HIBADH: variants seen among roughly 807,000 people sequenced by gnomAD.
HIBADH encodes the protein 3-hydroxyisobutyrate dehydrogenase, mitochondrial.
In HIBADH, 25 loss-of-function variants were observed where a neutral mutation model predicts 36.1. The ratio of observed to expected loss-of-function variants is 0.69; its 90% CI spans 0.50 to 0.97. The LOEUF is 0.97. HIBADH is among the 50% of genes least tolerant of loss of function. The pLI, the probability that HIBADH is intolerant of heterozygous loss-of-function variation, is 0.00. For synonymous variants in HIBADH, 160 were observed against 149.5 expected, an observed-to-expected ratio of 1.07 and a Z score of -0.51; for missense variants, 421 against 418.0, an observed-to-expected ratio of 1.01 and a Z score of -0.06.
At chr7:27,645,378 T>TTG (rs1786047430) in intron 2 of HIBADH, among the ~76,000 whole-genome samples, 3 of 126,990 alleles carry the variant, frequency 2.4e-5, no homozygotes, top group Non-Finnish European at 3.3e-5. Flanking sequence ...ATTTTTTTTT[T>TTG]TTTTTTTTTT....
chr7:27,560,318 C>T (rs1562621513), intron 4 of HIBADH, among the ~76,000 whole-genome samples: 2 of 152,222 alleles, frequency 1.3e-5, no homozygotes, highest in African/African-American at 4.8e-5. Flanking sequence ...GGGGTTTCGC[C>T]ATGTTGGCCA....
Position 27,661,293 on chromosome 7 carries a change from T to A in HIBADH, c.91+1405A>T, listed in dbSNP as rs1157629657. ...GGGAGAATGGGAAGCTGTTAAGAAT[T>A]GTAAGAGAAAGTTCTTACAATTCCT... is the stretch of plus-strand genomic sequence containing the variant. On this transcript the variant is annotated intron_variant, in intron 1 of 7. Coordinates refer to ENST00000265395, the MANE Select transcript of HIBADH (RefSeq NM_152740.4). Among the ~76,000 whole-genome samples the A allele has an allele frequency of 2.0e-5, 3 of 152,158 alleles. No individual in the cohort carries two copies. The South Asian group carries it at 6.2e-4, about 32-fold the overall frequency.
intron 2 of HIBADH, among the ~76,000 whole-genome samples, chr7:27,633,689 C>T (rs1267533922): frequency 1.3e-5 from 2 of 151,832 alleles, no homozygotes; most frequent in East Asian, 1.9e-4. Context: ...AAAAGAAATC[C>T]GGCATCCCAA....
intron 4 of HIBADH, among the ~76,000 whole-genome samples, chr7:27,585,322 A>G (rs946305954): frequency 2.0e-5 from 3 of 152,110 alleles, no homozygotes; most frequent in Non-Finnish European, 2.9e-5. Flanking sequence ...TTTGATGCAT[A>G]CTACCAAACT....
chr7:27,532,383 T>C (rs1363857317), intron 6 of HIBADH, among the ~76,000 whole-genome samples: 1 of 152,210 alleles, frequency 6.6e-6, no homozygotes, highest in Non-Finnish European at 1.5e-5. Context: ...AAAGAGACAC[T>C]TATGTAAATG....
At chr7:27,660,531 G>A (rs1199246253) in intron 1 of HIBADH, among the ~76,000 whole-genome samples, 1 of 152,138 alleles carries the variant, frequency 6.6e-6, no homozygotes, top group Non-Finnish European at 1.5e-5. Context: ...CGGGCGTGGT[G>A]GCAGGCGCCT....
At chr7:27,610,214 T>A (rs1305734176) in intron 4 of HIBADH, among the ~76,000 whole-genome samples, 2 of 152,332 alleles carry the variant, frequency 1.3e-5, no homozygotes, top group East Asian at 1.9e-4. Context: ...AAATCATTTT[T>A]AAAAATTTTC....
At chr7:27,628,915 G>C (rs1345467697) in intron 4 of HIBADH, among the ~76,000 whole-genome samples, 1 of 152,042 alleles carries the variant, frequency 6.6e-6, no homozygotes, top group Non-Finnish European at 1.5e-5. Flanking sequence ...CTCTGGAAAA[G>C]TTCGTATAAA....
At chr7:27,538,155 T>C (rs898188309) in intron 6 of HIBADH, among the ~76,000 whole-genome samples, 186 bp downstream of exon 6, 1 of 152,222 alleles carries the variant, frequency 6.6e-6, no homozygotes, top group Non-Finnish European at 1.5e-5. Flanking sequence ...CAAAGAGTAT[T>C]CATGCTCTCC....
At chr7:27,578,923 TAA>T (rs145185161) in intron 4 of HIBADH, among the ~76,000 whole-genome samples, 1,861 of 152,164 alleles carry the variant, frequency 0.012, 30 homozygotes, top group African/African-American at 0.038. Context: ...AAATTAACAG[TAA>T]GAAAATAATC....
chr7:27,554,317 A>G (rs1157153874), intron 4 of HIBADH, among the ~76,000 whole-genome samples: 1 of 152,200 alleles, frequency 6.6e-6, no homozygotes, highest in Non-Finnish European at 1.5e-5. Context: ...AATAAGAGGA[A>G]AAAAAAGCCA....
chr7:27,662,524 G>A lies in HIBADH; in HGVS notation c.91+174C>T, dbSNP rs1418065873. On this transcript the variant is annotated intron_variant, in intron 1 of 7. Coordinates refer to ENST00000265395, the MANE Select transcript of HIBADH (RefSeq NM_152740.4). ...GGAGGGAAGGCAGAGGGGGGTACTCGCGGAGTGAGTGGCGGCCGCAGAAAA... is the reference window on the plus strand; with the variant it reads ...GGAGGGAAGGCAGAGGGGGGTACTCACGGAGTGAGTGGCGGCCGCAGAAAA... Among the ~76,000 whole-genome samples the A allele has an allele frequency of 7.2e-5, 11 of 152,302 alleles. No homozygotes were observed. The East Asian group carries it at 1.5e-3, about 21-fold the overall frequency.
intron 4 of HIBADH, among the ~76,000 whole-genome samples, chr7:27,556,974 G>C (rs895232422): frequency 6.6e-6 from 1 of 151,966 alleles, no homozygotes; most frequent in African/African-American, 2.4e-5. Context: ...ACCCTGTCTT[G>C]ACAAAAATTT....
chr7:27,619,126 ACAC>A (rs1333388806), intron 4 of HIBADH, among the ~76,000 whole-genome samples: 3 of 152,276 alleles, frequency 2.0e-5, no homozygotes, highest in South Asian at 2.1e-4. Context: ...TTCCCAGTCC[ACAC>A]CACAACTTCA....
intron 4 of HIBADH, among the ~76,000 whole-genome samples, chr7:27,555,068 A>G (rs1554641): frequency 0.76 from 115,877 of 152,046 alleles, 44,646 homozygotes; most frequent in East Asian, 0.94. Context: ...ATAGAGTTTG[A>G]ATGCCATGTG....
chr7:27,596,238 C>G (rs1227563705), intron 4 of HIBADH, among the ~76,000 whole-genome samples: 1 of 152,136 alleles, frequency 6.6e-6, no homozygotes, highest in Non-Finnish European at 1.5e-5. Context: ...CCTCACATGG[C>G]AGAAGGGGGC....
At chr7:27,602,577 C>G (rs1275082807) in intron 4 of HIBADH, among the ~76,000 whole-genome samples, 1 of 152,036 alleles carries the variant, frequency 6.6e-6, no homozygotes, top group East Asian at 1.9e-4. Context: ...TTTCCTTAGT[C>G]TTTTAGTTTT....
intron 4 of HIBADH, among the ~76,000 whole-genome samples, chr7:27,621,824 T>C (rs978424707): frequency 6.6e-6 from 1 of 150,532 alleles, no homozygotes; most frequent in African/African-American, 2.5e-5. Flanking sequence ...CTGTTAAGTA[T>C]CTCTTCGCGC....
At chr7:27,589,943 A>G (rs1784917094) in intron 4 of HIBADH, among the ~76,000 whole-genome samples, 1 of 152,210 alleles carries the variant, frequency 6.6e-6, no homozygotes, top group African/African-American at 2.4e-5. Context: ...TTTGTGAACC[A>G]GAGTAAGAGT....
Sources: gnomAD v4.1 joint callset for allele counts (sites outside exome capture counted in the v4.1 genomes callset) on GRCh38, gnomAD v4.1.1 for gene constraint, MANE v1.5 for transcripts, NCBI Gene and HGNC (gene_info 2026-07-23, HGNC 2026-07-21) for gene names.